Variants in NAV2 observed in about 807,000 individuals in gnomAD.
The protein encoded by NAV2 is helicase, APC down-regulated 1.
A neutral mutation model predicts 223.2 loss-of-function variants in NAV2; 54 were observed. The ratio of observed to expected loss-of-function variants is 0.24; its 90% confidence interval spans 0.19 to 0.30. NAV2 has a LOEUF of 0.30. Ranked by LOEUF, NAV2 falls within the 10% of genes least tolerant of loss-of-function variation. NAV2 has a pLI of 1.00. For missense variants in NAV2, 2,806 were observed against 3,147.5 expected, an observed-to-expected ratio of 0.89 and a Z score of 2.60; for synonymous variants, 1,279 against 1,239.3, an observed-to-expected ratio of 1.03 and a Z score of -0.67.
intron 1 of NAV2, among the ~76,000 whole-genome samples, chr11:19,357,057 C>G (rs1229260035): frequency 6.6e-6 from 1 of 152,250 alleles, no homozygotes; most frequent in Admixed American, 6.5e-5. Flanking sequence ...CTTTGCAGCT[C>G]TATCCCAACC....
At chr11:19,479,382 T>C (rs1460288798) in intron 1 of NAV2, among the ~76,000 whole-genome samples, 1 of 152,162 alleles carries the variant, frequency 6.6e-6, no homozygotes, top group Non-Finnish European at 1.5e-5. Context: ...TGCTGGATAG[T>C]AATGTTAATA....
In NAV2 at chr11:19,456,328, T is replaced by C. The variant is rs531568678; in HGVS notation, c.75+105301T>C. Among the ~76,000 whole-genome samples the C allele has an allele frequency of 1.6e-4, 24 of 152,330 alleles. No homozygotes were observed. The South Asian group carries it at 4.8e-3, about 30-fold the overall frequency. Reference sequence around the variant, plus strand: ...TGATAGATGCACAGTCACTGTTTCATTGACTCCTCGAAGTCCTTCATGAAA... The same window carrying C: ...TGATAGATGCACAGTCACTGTTTCACTGACTCCTCGAAGTCCTTCATGAAA... On this transcript the variant is annotated intron_variant, in intron 1 of 37. Transcript: ENST00000360655.
intron 1 of NAV2, among the ~76,000 whole-genome samples, chr11:19,392,300 C>T (rs1187401557): frequency 2.0e-5 from 3 of 152,042 alleles, no homozygotes. Context: ...TGCTATATAA[C>T]AAACCACTCC....
intron 1 of NAV2, among the ~76,000 whole-genome samples, chr11:19,375,106 C>G (rs1471558057): frequency 1.3e-5 from 2 of 152,192 alleles, no homozygotes; most frequent in Non-Finnish European, 2.9e-5. Context: ...CTTCTGTGTT[C>G]CTTCCAAAAT....
intron 6 of NAV2, among the ~76,000 whole-genome samples, chr11:19,905,585 C>T (rs554232050): frequency 2.6e-5 from 4 of 152,232 alleles, no homozygotes; most frequent in South Asian, 2.1e-4. Context: ...TCCTATTGTT[C>T]GTGCATGAAT....
At chr11:19,939,894 C>G (rs1348892966) in intron 8 of NAV2, 121 bp downstream of exon 8, 3 of 544,630 alleles carry the variant, frequency 5.5e-6, no homozygotes, top group Non-Finnish European at 9.3e-6. Context: ...TGACTTTGAG[C>G]TAAACAAACT....
intron 1 of NAV2, among the ~76,000 whole-genome samples, chr11:19,768,786 C>A (rs2055452097): frequency 6.6e-6 from 1 of 152,176 alleles, no homozygotes; most frequent in African/African-American, 2.4e-5. Flanking sequence ...ACTTGTGTAC[C>A]TCCATTGTAC....
chr11:19,471,221 A>G (rs1416322881), intron 1 of NAV2, among the ~76,000 whole-genome samples: 1 of 152,094 alleles, frequency 6.6e-6, no homozygotes, highest in Non-Finnish European at 1.5e-5. Flanking sequence ...TCAACCATAC[A>G]CACCAAGGAG....
intron 1 of NAV2, among the ~76,000 whole-genome samples, chr11:19,700,041 CAGAT>C (rs1386260401): frequency 2.0e-5 from 3 of 152,188 alleles, no homozygotes; most frequent in Non-Finnish European, 4.4e-5. Flanking sequence ...TCCACACATT[CAGAT>C]ATATCCATGG....
At chr11:19,502,895 C>T (rs775480505) in intron 1 of NAV2, 9 of 152,140 alleles carry the variant, frequency 5.9e-5, no homozygotes, top group Non-Finnish European at 1.3e-4. Flanking sequence ...CTTCATAAGT[C>T]CTGGCTCTGG....
intron 34 of NAV2, chr11:20,105,318 G>A (rs540353750): frequency 7.2e-5 from 32 of 442,654 alleles, no homozygotes; most frequent in Non-Finnish European, 1.0e-4. Flanking sequence ...TCCGTAAAAC[G>A]GAGGTGGAGA....
At chr11:19,734,867 G>A (rs1323692299) in intron 1 of NAV2, among the ~76,000 whole-genome samples, 1 of 152,164 alleles carries the variant, frequency 6.6e-6, no homozygotes, top group Admixed American at 6.5e-5. Flanking sequence ...AAGCCTATGA[G>A]CCTCCACTCA....
intron 1 of NAV2, among the ~76,000 whole-genome samples, chr11:19,464,170 C>T (rs1165811988): frequency 6.6e-6 from 1 of 152,182 alleles, no homozygotes; most frequent in East Asian, 1.9e-4. Flanking sequence ...CACCCGTTTC[C>T]ATCACGAGCT....
intron 8 of NAV2, among the ~76,000 whole-genome samples, chr11:19,943,516 A>T (rs1000421880): frequency 6.6e-6 from 1 of 152,182 alleles, no homozygotes; most frequent in Non-Finnish European, 1.5e-5. Context: ...CATTTACTCC[A>T]TCCCAGCCTC....
At chr11:19,570,909 A>G (rs1169162634) in intron 1 of NAV2, among the ~76,000 whole-genome samples, 4 of 152,254 alleles carry the variant, frequency 2.6e-5, no homozygotes, top group African/African-American at 9.6e-5. Flanking sequence ...TGGAATTACC[A>G]TATGACCCAG....
At chr11:19,605,896 C>T (rs950899826) in intron 1 of NAV2, among the ~76,000 whole-genome samples, 1 of 152,142 alleles carries the variant, frequency 6.6e-6, no homozygotes, top group Non-Finnish European at 1.5e-5. Flanking sequence ...ACCAATGCAA[C>T]CCGCTGCTCA....
chr11:19,923,399 A>AC (rs2044450455), intron 6 of NAV2, among the ~76,000 whole-genome samples: 1 of 151,998 alleles, frequency 6.6e-6, no homozygotes, highest in African/African-American at 2.4e-5. Flanking sequence ...CAAAAAAAAA[A>AC]TTATTTGACT....
At chr11:19,907,316 T>G (rs2042946259) in intron 6 of NAV2, among the ~76,000 whole-genome samples, 1 of 152,150 alleles carries the variant, frequency 6.6e-6, no homozygotes, top group South Asian at 2.1e-4. Context: ...CTCTTCTTGC[T>G]CATCCTCCTC....
intron 1 of NAV2, among the ~76,000 whole-genome samples, chr11:19,766,926 G>A (rs564756728): frequency 2.6e-4 from 40 of 152,290 alleles, no homozygotes; most frequent in African/African-American, 9.4e-4. Flanking sequence ...GTGGACTGCA[G>A]GGGATGATCC....
Sources: allele counts gnomAD v4.1 joint callset (sites outside exome capture counted in the v4.1 genomes callset), GRCh38; gene constraint gnomAD v4.1.1; transcripts MANE v1.5; gene names NCBI Gene and HGNC (gene_info 2026-07-23, HGNC 2026-07-21).